SLC8B1: variants seen among roughly 807,000 people sequenced by gnomAD.
SLC8B1 encodes the protein solute carrier family 8 member B1.
Under a neutral mutation model 63.4 loss-of-function variants are expected in SLC8B1, and 52 were observed. The observed-to-expected ratio is 0.82, with a 90% CI of 0.66 to 1.03. The LOEUF (loss-of-function observed/expected upper bound fraction) is 1.03, where lower values mean the gene tolerates loss of function less well. SLC8B1 is among the 50% of genes least tolerant of loss of function. SLC8B1 has a pLI of 0.00. For synonymous variants in SLC8B1, 336 were observed against 323.9 expected (o/e 1.04, Z -0.40); for missense variants, 657 against 741.7 (o/e 0.89, Z 1.33).
chr12:113,310,046 CAA>C (rs11297438), intron 12 of SLC8B1, among the ~76,000 whole-genome samples, 186 bp downstream of exon 12: 4 of 143,448 alleles, frequency 2.8e-5, no homozygotes, highest in East Asian at 2.0e-4. Flanking sequence ...AAGCTATTAC[CAA>C]AAAAAAAAAG....
In SLC8B1 at chr12:113,304,940, A is replaced by T. The variant is rs189346999; in HGVS notation, c.1493-555T>A. On this transcript the variant is annotated intron_variant, in intron 14 of 15. Transcript: ENST00000680972. ...ATGAATTTACTTGGCTTTCTTTATG[A>T]TGTATGCCCAACTCCCCCAAACACC... is the stretch of plus-strand genomic sequence containing the variant. Among the ~76,000 whole-genome samples, 3 of 152,272 alleles carry T rather than the reference A, an allele frequency of 2.0e-5. No homozygotes were observed. In the East Asian group the frequency reaches 5.8e-4, roughly 29 times the overall value.
At chr12:113,304,794 G>A (rs2136824394) in intron 14 of SLC8B1, among the ~76,000 whole-genome samples, 1 of 152,236 alleles carries the variant, frequency 6.6e-6, no homozygotes, top group Admixed American at 6.5e-5. Flanking sequence ...GTAGAGACAG[G>A]GTCTTGCTGT....
At chr12:113,302,688 G>A in intron 15 of SLC8B1, 1 of 456,130 alleles carries the variant, frequency 2.2e-6, no homozygotes, top group Non-Finnish European at 4.4e-6. Context: ...CCAGCCACCT[G>A]CATCCTCCTC....
At chr12:113,311,405 G>T (rs1036873256) in intron 11 of SLC8B1, among the ~76,000 whole-genome samples, 1 of 151,874 alleles carries the variant, frequency 6.6e-6, no homozygotes, top group Non-Finnish European at 1.5e-5. Context: ...AGCTGAGATC[G>T]CACCACTGCA....
intron 11 of SLC8B1, among the ~76,000 whole-genome samples, chr12:113,314,833 G>C (rs768727514): frequency 1.3e-5 from 2 of 152,228 alleles, no homozygotes; most frequent in Non-Finnish European, 2.9e-5. Context: ...CTGTTTTGCA[G>C]CCTCCATCTG....
At chr12:113,325,867 ATTTT>A (rs946794917) in intron 2 of SLC8B1, among the ~76,000 whole-genome samples, 3 of 151,924 alleles carry the variant, frequency 2.0e-5, no homozygotes, top group Admixed American at 6.6e-5. Flanking sequence ...CCAGCCCTGA[ATTTT>A]TTTTGTCTGC....
chr12:113,316,401 G>T, intron 10 of SLC8B1, 125 bp downstream of exon 10: 2 of 1,264,094 alleles, frequency 1.6e-6, no homozygotes, highest in Non-Finnish European at 1.1e-6. Context: ...CAAATCACAA[G>T]TCATGTATTC....
Position 113,307,110 on chromosome 12 carries a change from C to CAAAAAAAAAAAA in SLC8B1, c.1412-547_1412-536dup, listed in dbSNP as rs67032040. Among the ~76,000 whole-genome samples, 3 of 18,208 alleles carry CAAAAAAAAAAAA rather than the reference C, an allele frequency of 1.6e-4. 1 individual carries two copies. The highest frequency in any genetic ancestry group is 1.6e-4 in the African/African-American group (1 of 6,204). 11.9% of individuals were successfully genotyped at this position (18,208 alleles called of 152,430 possible). A position where few individuals can be genotyped will look rare whatever the true frequency, so the allele number is the denominator to read the frequency against. On this transcript the variant is annotated intron_variant, in intron 13 of 15. Transcript: ENST00000680972. Reference sequence around the variant, plus strand: ...TGGGCGACAGAGCAAGCCTCCATCTCAAAAAAAAAAAAAAAAAAAAAAAAA... The same window carrying CAAAAAAAAAAAA: ...TGGGCGACAGAGCAAGCCTCCATCTCAAAAAAAAAAAAAAAAAAAAAAAAAAAAAAAAAAAAA...
chr12:113,306,066 CAAAAAAAAAAAAAAA>C (rs60824560), intron 14 of SLC8B1, among the ~76,000 whole-genome samples: 6 of 18,088 alleles, frequency 3.3e-4, no homozygotes, highest in South Asian at 2.8e-3. Flanking sequence ...CCCCACCCTG[CAAAAAAAAAAAAAAA>C]AAAAAAAAAA....
At chr12:113,302,734 A>G in intron 15 of SLC8B1, 1 of 456,180 alleles carries the variant, frequency 2.2e-6, no homozygotes. Flanking sequence ...TGACAGAGTA[A>G]GTGACAGAGC....
chr12:113,324,896 G>A (rs529476814), intron 2 of SLC8B1, among the ~76,000 whole-genome samples: 1 of 151,958 alleles, frequency 6.6e-6, no homozygotes, highest in East Asian at 1.9e-4. Context: ...TAAAGATGAG[G>A]TTTCACTGTG....
chr12:113,334,686 G>C lies in SLC8B1; in HGVS notation c.-326C>G, dbSNP rs1410864121. The C allele has an allele frequency of 6.6e-6, 1 of 152,226 alleles. No homozygotes were observed. The allele number at this position is 152,226 out of a possible 1,614,324, so 9.4% of individuals were successfully genotyped here. A position where few individuals can be genotyped will look rare whatever the true frequency, so the allele number is the denominator to read the frequency against. On this transcript the variant is annotated 5_prime_UTR_variant, in exon 1 of 16. Transcript: ENST00000680972. Reference sequence around the variant, plus strand: ...GGTATACAATAAGAGCTCAATAAATGTTCGCGTCCCTGATGTCCCCAACAC... The same window carrying C: ...GGTATACAATAAGAGCTCAATAAATCTTCGCGTCCCTGATGTCCCCAACAC...
rs369159999 is a variant in SLC8B1, at chr12:113,320,501, G to T, written c.527-3C>A. ...TGTGGTAACCAGCACGCCAGCGCCT[G>T]GGGGGAGGAGGCCAGAGCTCAGCCA... On this transcript the variant is annotated splice_polypyrimidine_tract_variant and splice_region_variant and intron_variant, in intron 6 of 15. Coordinates refer to ENST00000680972, the MANE Select transcript of SLC8B1 (RefSeq NM_001358345.2). This position sits in a 1 kb window ranked among gnomAD's most constrained non-coding sequence, Gnocchi z 5.3. 1.5e-5 allele frequency: 25 copies of T among 1,613,684 alleles called. No individual in the cohort carries two copies. The African/African-American group carries it at 2.0e-4, about 13-fold the overall frequency.
chr12:113,308,104 T>C (rs980937306), intron 12 of SLC8B1: 2 of 344,778 alleles, frequency 5.8e-6, no homozygotes, highest in South Asian at 7.3e-5. Flanking sequence ...CGCAGCACTT[T>C]GGGAGGCCGA....
intron 2 of SLC8B1, among the ~76,000 whole-genome samples, chr12:113,325,966 G>A (rs1593258880): frequency 6.6e-6 from 1 of 152,142 alleles, no homozygotes; most frequent in Non-Finnish European, 1.5e-5. Context: ...AAGTGATTTT[G>A]TGTAGCCTTT....
intron 10 of SLC8B1, 84 bp downstream of exon 10, chr12:113,316,442 C>A: frequency 6.6e-7 from 1 of 1,506,506 alleles, no homozygotes; most frequent in South Asian, 1.3e-5. Context: ...CCAGGCCCTC[C>A]CCCTCGTAGA....
chr12:113,325,810 G>A (rs927606754), intron 2 of SLC8B1, among the ~76,000 whole-genome samples: 3 of 151,872 alleles, frequency 2.0e-5, no homozygotes, highest in African/African-American at 7.3e-5. Flanking sequence ...TGATCCACCC[G>A]CCTCGGCCTC....
At chr12:113,307,452 C>T (rs879593299) in intron 13 of SLC8B1, among the ~76,000 whole-genome samples, 1 of 152,166 alleles carries the variant, frequency 6.6e-6, no homozygotes, top group Non-Finnish European at 1.5e-5. Flanking sequence ...GAGCCACCGA[C>T]CATCCCCGCA....
intron 2 of SLC8B1, 30 bp downstream of exon 2, chr12:113,332,693 T>C (rs2136872469): frequency 1.2e-6 from 2 of 1,602,476 alleles, no homozygotes; most frequent in Non-Finnish European, 1.7e-6. Context: ...ACAGCCCCAC[T>C]CAACCCCAGG....
Sources: allele counts gnomAD v4.1 joint callset (sites outside exome capture counted in the v4.1 genomes callset), GRCh38; gene constraint gnomAD v4.1.1; non-coding constraint Gnocchi (gnomAD v3.1); transcripts MANE v1.5; gene names NCBI Gene and HGNC (gene_info 2026-07-23, HGNC 2026-07-21).